CHIT1: variants seen among roughly 807,000 people sequenced by gnomAD.
The protein encoded by CHIT1 is chitinase 1.
In CHIT1, 47 loss-of-function variants were observed where a neutral mutation model predicts 52.0. That is an observed-to-expected ratio of 0.90 (90% confidence interval 0.71 to 1.15). CHIT1 has a LOEUF of 1.15. Among genes scored for constraint, CHIT1 ranks in the 50% most tolerant of loss-of-function variants. CHIT1 has a pLI of 0.00. For missense variants in CHIT1, 569 were observed against 583.0 expected, an observed-to-expected ratio of 0.98 and a Z score of 0.25; for synonymous variants, 242 against 228.2, an observed-to-expected ratio of 1.06 and a Z score of -0.54.
intron 1 of CHIT1, among the ~76,000 whole-genome samples, chr1:203,229,308 G>T (rs1056972948): frequency 1.3e-5 from 2 of 152,176 alleles, no homozygotes; most frequent in Admixed American, 6.5e-5. Context: ...AAGACCCAGT[G>T]CAGGGGCCTC....
At position 203,216,289 on chromosome 1, in the gene CHIT1, A is replaced by C; in HGVS notation, c.*600T>G. On this transcript the variant is annotated 3_prime_UTR_variant, in exon 11 of 11. Coordinates refer to ENST00000367229, the MANE Select transcript of CHIT1 (RefSeq NM_003465.3). ...AGGGCCCAAACAGGATTTATCTCGA[A>C]GACCCCTGAGTACCAGGGGTCTGAA... 1 of 454,124 alleles carries C rather than the reference A, an allele frequency of 2.2e-6. No homozygotes were observed. The highest frequency in any genetic ancestry group is 4.4e-6 in the Non-Finnish European group (1 of 226,796). The allele number at this position is 454,124 out of a possible 1,614,324, so 28.1% of individuals were successfully genotyped here.
Position 203,217,787 on chromosome 1 carries a change from A to C in CHIT1, c.1108T>G (p.Cys370Gly). 1 of 1,614,034 alleles carries C rather than the reference A, an allele frequency of 6.2e-7. No homozygotes were observed. The highest frequency in any genetic ancestry group is 8.5e-7 in the Non-Finnish European group (1 of 1,179,912). The part of the protein sequence containing the change: ...LDLDDFAGFS[C>G]NQGRYPLIQT... ...ATGAGGGGGTATCGGCCCTGGTTGC[A>C]GGAGAAGCCGGCAAAGTCATCTAAG... Residue 370 changes from cysteine (C) to glycine (G), a missense_variant, in exon 10 of 11, where the codon TGC becomes GGC. Coordinates refer to ENST00000367229, the MANE Select transcript of CHIT1 (RefSeq NM_003465.3).
intron 10 of CHIT1, chr1:203,217,490 T>G: frequency 8.5e-7 from 1 of 1,172,830 alleles, no homozygotes; most frequent in South Asian, 1.3e-5. Context: ...GGGGGCCCTC[T>G]GGAGGGAAGC....
chr1:203,223,101 G>C (rs1189606383), intron 6 of CHIT1, 34 bp downstream of exon 6: 2 of 1,613,412 alleles, frequency 1.2e-6, no homozygotes, highest in African/African-American at 1.3e-5. Flanking sequence ...TTCCCTCAGA[G>C]AGCACAGCTC....
At chr1:203,229,032 G>A (rs943682376) in intron 1 of CHIT1, among the ~76,000 whole-genome samples, 3 of 152,128 alleles carry the variant, frequency 2.0e-5, no homozygotes, top group Non-Finnish European at 4.4e-5. Flanking sequence ...TTGCCTTTCC[G>A]CTACCTGGCT....
chr1:203,216,795 G>A lies in CHIT1; in HGVS notation c.*94C>T. 3.2e-6 allele frequency: 5 copies of A among 1,541,072 alleles called. No individual in the cohort carries two copies. Among genetic ancestry groups the A allele is most frequent in the Non-Finnish European group, 4.5e-6 (5 of 1,117,158 alleles). On this transcript the variant is annotated 3_prime_UTR_variant, in exon 11 of 11. Coordinates refer to ENST00000367229, the MANE Select transcript of CHIT1 (RefSeq NM_003465.3). ...GAAGACCACAGAAAGGCCTGCAGGA[G>A]CCAGATTGCGGCCCCCAGGGAAAAC... is the stretch of plus-strand genomic sequence containing the variant.
intron 6 of CHIT1, among the ~76,000 whole-genome samples, chr1:203,222,625 G>A (rs948514811): frequency 6.6e-6 from 1 of 152,134 alleles, no homozygotes; most frequent in Non-Finnish European, 1.5e-5. Flanking sequence ...TATTCTGGAG[G>A]GAACTCTAGC....
At chr1:203,217,715 A>G (rs756629559) in intron 10 of CHIT1, 24 bp downstream of exon 10, 8 of 1,613,476 alleles carry the variant, frequency 5.0e-6, no homozygotes, top group Non-Finnish European at 6.8e-6. Context: ...AAATTCCACC[A>G]CTGGCCCTGG....
intron 8 of CHIT1, 126 bp downstream of exon 8, chr1:203,219,538 A>C (rs2102232678): frequency 8.2e-7 from 1 of 1,215,384 alleles, no homozygotes; most frequent in East Asian, 2.3e-5. Flanking sequence ...GATGAGATGG[A>C]ATTTACATGG....
intron 2 of CHIT1, among the ~76,000 whole-genome samples, chr1:203,227,211 G>A (rs1464636771): frequency 6.6e-6 from 1 of 152,186 alleles, no homozygotes; most frequent in Non-Finnish European, 1.5e-5. Flanking sequence ...CATACACGTG[G>A]CCCCGGAGTG....
chr1:203,227,717 A>G (rs975892434), intron 2 of CHIT1, among the ~76,000 whole-genome samples: 4 of 152,236 alleles, frequency 2.6e-5, no homozygotes, highest in African/African-American at 9.6e-5. Flanking sequence ...ACAAAGTCCT[A>G]CTATTATTAC....
chr1:203,219,319 C>T lies in CHIT1; in HGVS notation c.926G>A (p.Trp309Ter). 2 of 1,601,110 alleles carry T rather than the reference C, an allele frequency of 1.2e-6. No individual in the cohort carries two copies. The highest frequency in any genetic ancestry group is 2.2e-5 in the South Asian group (2 of 90,820). The change falls in exon 9 of 11, where the codon TGG becomes TAG. Residue 309 changes from tryptophan to a stop codon, truncating the protein, a stop_gained. Transcript: ENST00000367229. LOFTEE classifies it high-confidence loss of function. ...GMLAYYEVCSWKGATKQRIQD... is the reference protein window; with the variant it reads ...GMLAYYEVCS ...GATTCTCTGTTTGGTGGCCCCCTTC[C>T]AGGAGCAGACCTGTGGGAGCAGAAG...
chr1:203,226,103 C>A (rs1656919881), intron 2 of CHIT1, among the ~76,000 whole-genome samples: 1 of 152,206 alleles, frequency 6.6e-6, no homozygotes, highest in Non-Finnish European at 1.5e-5. Flanking sequence ...GTGGGCAGGA[C>A]CATCATCTTC....
At chr1:203,229,461 A>G in intron 1 of CHIT1, 151 bp downstream of exon 1, 1 of 834,476 alleles carries the variant, frequency 1.2e-6, no homozygotes, top group Non-Finnish European at 2.0e-6. Flanking sequence ...AAGGGACTGC[A>G]AGCCAGGAGG....
rs971670790 is a variant in CHIT1, at chr1:203,216,235, G to A, written c.*654C>T. The A allele has an allele frequency of 2.2e-6, 1 of 454,098 alleles. No individual in the cohort carries two copies. The allele number at this position is 454,098 out of a possible 1,614,324, so 28.1% of individuals were successfully genotyped here. A position where few individuals can be genotyped will look rare whatever the true frequency, so the allele number is the denominator to read the frequency against. On this transcript the variant is annotated 3_prime_UTR_variant, in exon 11 of 11. Coordinates refer to ENST00000367229, the MANE Select transcript of CHIT1 (RefSeq NM_003465.3). The stretch of plus-strand genomic sequence containing the variant: ...ATTGTTCCTTCTTCATCTGGTGAAC[G>A]GGGGCAGTAGGTGAGATAGGGCCTG...
intron 7 of CHIT1, 70 bp from the exon 8 acceptor site, chr1:203,219,919 C>G: frequency 6.4e-7 from 1 of 1,573,778 alleles, no homozygotes; most frequent in Non-Finnish European, 8.6e-7. Flanking sequence ...TCTGGGGGAT[C>G]CAGAGGCAGA....
In CHIT1 at chr1:203,225,818, C is replaced by G. The variant is rs768080290; in HGVS notation, c.108G>C (p.Gln36His). 2.5e-6 allele frequency: 4 copies of G among 1,614,038 alleles called. No homozygotes were observed. Among genetic ancestry groups the G allele is most frequent in the Admixed American group, 3.3e-5 (2 of 59,990 alleles). ...CYFTNWAQYR[Q>H]GEARFLPKDL... is the part of the protein sequence containing the mutation. Reference sequence around the variant, plus strand: ...CCTTGGGCAGGAAGCGAGCCTCCCCCTGTCTGTACTGGGCCCAGTTGGTGA... The same window carrying G: ...CCTTGGGCAGGAAGCGAGCCTCCCCGTGTCTGTACTGGGCCCAGTTGGTGA... The change falls in exon 3 of 11, where the codon CAG becomes CAC. Residue 36 changes from glutamine (Q) to histidine (H), a missense_variant. Transcript: ENST00000367229.
At chr1:203,223,367 G>T (rs1335942953) in intron 5 of CHIT1, 108 bp from the exon 6 acceptor site, 8 of 1,601,264 alleles carry the variant, frequency 5.0e-6, no homozygotes, top group Non-Finnish European at 6.0e-6. Context: ...TGGCCACAGG[G>T]CTGATCTGTG....
rs1314960840 is a variant in CHIT1, at chr1:203,223,533, G to A, written c.442C>T (p.Pro148Ser). ...GTGAAGCGCTCCTTGTCTACGGCAGGGCTCCCCTGGCTTCCTGGGTACTCC... is the reference window on the plus strand; with the variant it reads ...GTGAAGCGCTCCTTGTCTACGGCAGAGCTCCCCTGGCTTCCTGGGTACTCC... The part of the protein sequence containing the change: ...DWEYPGSQGS[P>S]AVDKERFTTL... The change falls in exon 5 of 11, where the codon CCT becomes TCT. Residue 148 changes from proline to serine, a missense_variant. Pro to Ser is a moderately conservative substitution (Grantham distance 74). Transcript: ENST00000367229. The A allele has an allele frequency of 6.2e-7, 1 of 1,614,192 alleles. No individual in the cohort carries two copies. Among genetic ancestry groups the A allele is most frequent in the Non-Finnish European group, 8.5e-7 (1 of 1,180,026 alleles).
Sources: gnomAD v4.1 joint callset for allele counts (sites outside exome capture counted in the v4.1 genomes callset) on GRCh38, gnomAD v4.1.1 for gene constraint, MANE v1.5 for transcripts, NCBI Gene and HGNC (gene_info 2026-07-23, HGNC 2026-07-21) for gene names.